Variants in ZNF223 observed in about 807,000 individuals in gnomAD.
ZNF223 encodes Homo sapiens zinc finger protein 223.
In ZNF223, 9 loss-of-function variants were observed where a neutral mutation model predicts 12.3. That is an observed-to-expected ratio of 0.73 (90% CI 0.44 to 1.28). The LOEUF (loss-of-function observed/expected upper bound fraction) is 1.28, where lower values mean the gene tolerates loss of function less well. Among genes scored for constraint, ZNF223 ranks in the 50% most tolerant of loss-of-function variants. The pLI, the probability that ZNF223 is intolerant of heterozygous loss-of-function variation, is 0.00. For missense variants in ZNF223, 506 were observed against 579.0 expected (o/e 0.87, Z 1.29); for synonymous variants, 171 against 195.2 (o/e 0.88, Z 1.03).
At chr19:44,064,610 C>T (rs1727017932) in intron 4 of ZNF223, among the ~76,000 whole-genome samples, 1 of 152,138 alleles carries the variant, frequency 6.6e-6, no homozygotes. Flanking sequence ...GAGAACTGCT[C>T]TCACTTCACT....
At chr19:44,060,155 A>G (rs1330469832) in intron 2 of ZNF223, among the ~76,000 whole-genome samples, 2 of 152,188 alleles carry the variant, frequency 1.3e-5, no homozygotes, top group Admixed American at 6.5e-5. Flanking sequence ...TGAAACCTAT[A>G]TACGTGTAGC....
At chr19:44,055,087 C>T in intron 1 of ZNF223, 22 bp from the exon 2 acceptor site, 2 of 1,367,392 alleles carry the variant, frequency 1.5e-6, no homozygotes, top group Non-Finnish European at 2.1e-6. Flanking sequence ...GTCTCTTTTT[C>T]TGTCTTCATG....
chr19:44,059,145 T>C (rs1421651356), intron 2 of ZNF223, among the ~76,000 whole-genome samples: 2 of 152,258 alleles, frequency 1.3e-5, no homozygotes, highest in African/African-American at 2.4e-5. Context: ...ATCTCATTTT[T>C]GGCACAGTTG....
chr19:44,066,838 T>G lies in ZNF223; in HGVS notation c.1010T>G (p.Ile337Ser). 6.2e-7 allele frequency: 1 copy of G among 1,614,212 alleles called. No individual in the cohort carries two copies. Among genetic ancestry groups the G allele is most frequent in the Non-Finnish European group, 8.5e-7 (1 of 1,180,038 alleles). The change falls in exon 5 of 5, where the codon ATC becomes AGC. Residue 337 changes from isoleucine to serine, a missense_variant. Transcript: ENST00000434772. ...RRLDLCKHQTIHTGEKPYNCK... is the reference protein window; with the variant it reads ...RRLDLCKHQTSHTGEKPYNCK... ...CTGGATTTGTGTAAGCATCAGACGA[T>G]CCACACAGGAGAGAAACCATATAAT...
intron 2 of ZNF223, 48 bp from the exon 3 acceptor site, chr19:44,060,407 A>G (rs1034263160): frequency 7.5e-6 from 12 of 1,606,616 alleles, no homozygotes; most frequent in African/African-American, 1.3e-5. Context: ...CTTCTCTCCC[A>G]GTAACCATTG....
chr19:44,056,380 A>T (rs1976765127), intron 2 of ZNF223, among the ~76,000 whole-genome samples: 2 of 147,328 alleles, frequency 1.4e-5, no homozygotes, highest in Admixed American at 1.3e-4. Context: ...AAAAAAAAAA[A>T]AAATTAGCCG....
rs1976919833 is a variant in ZNF223 at position 44,066,677 on chromosome 19, A to AG, written c.853dup (p.Glu285GlyfsTer7). The AG allele has an allele frequency of 6.2e-7, 1 of 1,613,522 alleles. No homozygotes were observed. Among genetic ancestry groups the AG allele is most frequent in the East Asian group, 2.3e-5 (1 of 44,212 alleles). On this transcript the variant is annotated frameshift_variant, in exon 5 of 5. Transcript: ENST00000434772. LOFTEE classifies it low-confidence loss of function (END_TRUNC). ...TTCAGAAACATCAGAGAATTCACAC[A>AG]GGGGAGAAGCCATTCAAATGTGAGA...
chr19:44,053,654 ATCC>A (rs1976729027), intron 1 of ZNF223, among the ~76,000 whole-genome samples: 1 of 152,030 alleles, frequency 6.6e-6, no homozygotes. Context: ...TCTTTCACTA[ATCC>A]TCCTCAGCAC....
In ZNF223 at chr19:44,060,790, G is replaced by A. The variant is rs370460469; in HGVS notation, c.184G>A (p.Glu62Lys). The A allele has an allele frequency of 5.6e-6, 9 of 1,613,828 alleles. No individual in the cohort carries two copies. The highest frequency in any genetic ancestry group is 1.3e-5 in the African/African-American group (1 of 74,906). The change falls in exon 4 of 5, where the codon GAG becomes AAG. Residue 62 changes from glutamate to lysine, a missense_variant. Transcript: ENST00000434772. ...FHRDTFHFLR[E>K]EKFWMMDIAT... ...CCGAGATACTTTCCACTTTCTAAGG[G>A]AGGAAAAGTTTTGGATGATGGATAT...
intron 2 of ZNF223, among the ~76,000 whole-genome samples, chr19:44,058,080 C>T (rs974122210): frequency 3.3e-5 from 5 of 152,140 alleles, no homozygotes; most frequent in African/African-American, 1.2e-4. Context: ...TGCCATGACT[C>T]ATGGAGAAAA....
rs1422510671 is a variant in ZNF223, at chr19:44,066,877, G to A, written c.1049G>A (p.Gly350Glu). The A allele has an allele frequency of 1.9e-6, 3 of 1,614,066 alleles. No homozygotes were observed. Among genetic ancestry groups the A allele is most frequent in the Admixed American group, 1.7e-5 (1 of 60,010 alleles). ...AAACCATATAATTGTAAAGAATGTG[G>A]GAAGAGCTTCAGACGGTCCTCCTAT... ...GEKPYNCKEC[G>E]KSFRRSSYLL... The change falls in exon 5 of 5, where the codon GGG (glycine) becomes GAG (glutamate). Residue 350 changes from glycine (G) to glutamate (E), a missense_variant. Gly to Glu is a moderately conservative substitution (Grantham distance 98). Transcript: ENST00000434772.
intron 2 of ZNF223, among the ~76,000 whole-genome samples, chr19:44,055,498 A>G (rs772573906): frequency 3.3e-5 from 5 of 149,316 alleles, no homozygotes; most frequent in Non-Finnish European, 5.9e-5. Flanking sequence ...GGCTGGGTGC[A>G]GTGGCTCACA....
In ZNF223 at chr19:44,066,240, C is replaced by A. The variant is rs6509138; in HGVS notation, c.412C>A (p.Leu138Ile). Residue 138 changes from leucine to isoleucine, a missense_variant, in exon 5 of 5, where the codon CTA becomes ATA. Leu to Ile is a conservative substitution (Grantham distance 5). Coordinates refer to ENST00000434772, the MANE Select transcript of ZNF223 (RefSeq NM_013361.6). Reference sequence around the variant, plus strand: ...TGCCCACTCCCAGGTTGAGGAAGGACTATCTATAATGCACACAGGACAGAA... The same window carrying A: ...TGCCCACTCCCAGGTTGAGGAAGGAATATCTATAATGCACACAGGACAGAA... ...GDAHSQVEEG[L>I]SIMHTGQKPS... 979,601 of 1,613,886 alleles carry A rather than the reference C, an allele frequency of 0.61. 308,677 individuals are homozygous for A. The highest frequency in any genetic ancestry group is 0.66 in the Non-Finnish European group (773,694 of 1,179,954).
chr19:44,053,586 C>T (rs11883052), intron 1 of ZNF223, among the ~76,000 whole-genome samples: 4,471 of 152,232 alleles, frequency 0.029, 215 homozygotes, highest in African/African-American at 0.1. Context: ...CATTCCATTC[C>T]CAGGGATGAG....
At chr19:44,054,048 T>G (rs935926569) in intron 1 of ZNF223, among the ~76,000 whole-genome samples, 1 of 152,204 alleles carries the variant, frequency 6.6e-6, no homozygotes, top group African/African-American at 2.4e-5. Context: ...CATGTCTTCC[T>G]TTTTCTACGT....
rs1976822859 is a variant in ZNF223 at position 44,060,528 on chromosome 19, G to A, written c.89G>A (p.Arg30Lys). Residue 30 changes from arginine (R) to lysine (K), a missense_variant, in exon 3 of 5, where the codon AGG becomes AAG. Coordinates refer to ENST00000434772, the MANE Select transcript of ZNF223 (RefSeq NM_013361.6). ...EELGLLDLAQRKLYRDVMLEN... is the reference protein window; with the variant it reads ...EELGLLDLAQKKLYRDVMLEN... Reference sequence around the variant, plus strand: ...CTGGGGCTGCTGGACCTTGCCCAGAGGAAGCTGTATCGAGATGTGATGCTG... The same window carrying A: ...CTGGGGCTGCTGGACCTTGCCCAGAAGAAGCTGTATCGAGATGTGATGCTG... 1.2e-6 allele frequency: 2 copies of A among 1,614,128 alleles called. No homozygotes were observed. The highest frequency in any genetic ancestry group is 4.5e-5 in the East Asian group (2 of 44,882).
chr19:44,067,346 CA>C lies in ZNF223; in HGVS notation c.*70del. ...TGTATATGATGTATAATGATCAAAT[CA>C]GTGTAATTAGCACATTTATCACCTC... is the stretch of plus-strand genomic sequence containing the variant. On this transcript the variant is annotated 3_prime_UTR_variant, in exon 5 of 5. Coordinates refer to ENST00000434772, the MANE Select transcript of ZNF223 (RefSeq NM_013361.6). 4 of 1,429,990 alleles carry C rather than the reference CA, an allele frequency of 2.8e-6. No homozygotes were observed. Among genetic ancestry groups the C allele is most frequent in the Non-Finnish European group, 3.8e-6 (4 of 1,039,062 alleles). 88.6% of individuals were successfully genotyped at this position (1,429,990 alleles called of 1,614,324 possible).
At chr19:44,061,091 T>C (rs530242658) in intron 4 of ZNF223, among the ~76,000 whole-genome samples, 1 of 152,342 alleles carries the variant, frequency 6.6e-6, no homozygotes, top group African/African-American at 2.4e-5. Context: ...TCTGTCTTCT[T>C]AATTTTATGA....
chr19:44,057,764 G>C (rs531097312), intron 2 of ZNF223, among the ~76,000 whole-genome samples: 1 of 152,332 alleles, frequency 6.6e-6, no homozygotes, highest in Admixed American at 6.5e-5. Flanking sequence ...TGTGCCTTGC[G>C]AGTACAGAAG....
Sources: allele counts gnomAD v4.1 joint callset (sites outside exome capture counted in the v4.1 genomes callset), GRCh38; gene constraint gnomAD v4.1.1; transcripts MANE v1.5; gene names NCBI Gene and HGNC (gene_info 2026-07-23, HGNC 2026-07-21).